Variants in PRKCA observed in about 807,000 individuals in gnomAD.
PRKCA encodes the protein protein kinase C alpha type.
In PRKCA, 27 loss-of-function variants were observed where a neutral mutation model predicts 87.0. The ratio of observed to expected loss-of-function variants is 0.31; its 90% confidence interval spans 0.23 to 0.43. The LOEUF (loss-of-function observed/expected upper bound fraction) is 0.43, where lower values mean the gene tolerates loss of function less well. Among genes scored for constraint, PRKCA ranks in the 20% least tolerant of loss-of-function variants. The probability of loss-of-function intolerance (pLI) is 1.00; values close to 1 mark genes in which losing one functional copy is unlikely to be tolerated. For synonymous variants in PRKCA, 329 were observed against 311.1 expected, an observed-to-expected ratio of 1.06 and a Z score of -0.61; for missense variants, 518 against 852.3, an observed-to-expected ratio of 0.61 and a Z score of 4.88.
Position 66,446,795 on chromosome 17 carries a change from C to T in PRKCA, c.206-49406C>T, listed in dbSNP as rs189729983. Among the ~76,000 whole-genome samples, 273 of 152,208 alleles carry T rather than the reference C, an allele frequency of 1.8e-3. 1 individual carries two copies. The highest frequency in any genetic ancestry group is 2.0e-3 in the Non-Finnish European group (137 of 68,022). On this transcript the variant is annotated intron_variant, in intron 2 of 16. Transcript: ENST00000413366. The stretch of plus-strand genomic sequence containing the variant: ...GCTGCAGTGGAAGAGGATCTTGGGG[C>T]CCTAGTGATCCCCTAGATCTAAAAA...
chr17:66,668,991 T>C (rs1446546004), intron 5 of PRKCA, among the ~76,000 whole-genome samples: 1 of 152,022 alleles, frequency 6.6e-6, no homozygotes, highest in Non-Finnish European at 1.5e-5. Flanking sequence ...TAGTCCCAGC[T>C]ACTCAGGAGA....
At chr17:66,713,340 G>A (rs373586984) in intron 8 of PRKCA, among the ~76,000 whole-genome samples, 2 of 151,978 alleles carry the variant, frequency 1.3e-5, no homozygotes, top group African/African-American at 2.4e-5. Context: ...GTGAGCCACC[G>A]CATCCGACCT....
At chr17:66,572,803 G>T (rs1486656116) in intron 3 of PRKCA, among the ~76,000 whole-genome samples, 1 of 152,068 alleles carries the variant, frequency 6.6e-6, no homozygotes. Context: ...AGGCTTTTCT[G>T]ACTAAAATAT....
intron 5 of PRKCA, among the ~76,000 whole-genome samples, chr17:66,681,571 G>A (rs147710438): frequency 3.6e-4 from 55 of 152,266 alleles, no homozygotes; most frequent in African/African-American, 1.3e-3. Flanking sequence ...AATGCTTTGC[G>A]TATATCAATT....
intron 2 of PRKCA, among the ~76,000 whole-genome samples, chr17:66,437,792 A>C (rs1463465415): frequency 1.4e-5 from 2 of 145,732 alleles, no homozygotes; most frequent in Non-Finnish European, 3.0e-5. Flanking sequence ...AATGAGTTGG[A>C]TATTTCCTTA....
chr17:66,351,254 C>A lies in PRKCA; in HGVS notation c.205+45127C>A, dbSNP rs559092905. ...AGCACTGTTCTGATTTTACTTCCTC[C>A]TTCAGGCTATGGGCGCGTGCCAACT... is the stretch of plus-strand genomic sequence containing the variant. On this transcript the variant is annotated intron_variant, in intron 2 of 16. Coordinates refer to ENST00000413366, the MANE Select transcript of PRKCA (RefSeq NM_002737.3). Among the ~76,000 whole-genome samples the A allele has an allele frequency of 3.9e-5, 6 of 152,362 alleles. No individual in the cohort carries two copies. The South Asian group carries it at 1.2e-3, about 32-fold the overall frequency.
chr17:66,390,026 C>T (rs2143632183), intron 2 of PRKCA, among the ~76,000 whole-genome samples: 1 of 152,344 alleles, frequency 6.6e-6, no homozygotes, highest in East Asian at 1.9e-4. Flanking sequence ...GAGTTCCAGA[C>T]CAGCCTGGCC....
At chr17:66,438,542 A>G (rs1913539228) in intron 2 of PRKCA, among the ~76,000 whole-genome samples, 1 of 152,188 alleles carries the variant, frequency 6.6e-6, no homozygotes, top group South Asian at 2.1e-4. Flanking sequence ...CATTATTTTT[A>G]AGAACCGGTT....
intron 2 of PRKCA, chr17:66,416,731 G>A (rs967023153): frequency 2.7e-4 from 41 of 152,188 alleles, no homozygotes; most frequent in Admixed American, 2.3e-3. Context: ...GCCTGACTCT[G>A]AAGCCTGTGT....
chr17:66,370,549 C>CTTTTTTTTTTT (rs555797425), intron 2 of PRKCA, among the ~76,000 whole-genome samples: 109 of 113,664 alleles, frequency 9.6e-4, no homozygotes, highest in African/African-American at 1.2e-3. Flanking sequence ...CTTTTCTTTT[C>CTTTTTTTTTTT]TTTTTTTTTT....
At chr17:66,387,526 A>C (rs4281768) in intron 2 of PRKCA, among the ~76,000 whole-genome samples, 5 of 152,098 alleles carry the variant, frequency 3.3e-5, no homozygotes, top group African/African-American at 1.2e-4. Flanking sequence ...CAGTAAAAGG[A>C]GCCTTTCATC....
At chr17:66,511,841 C>T (rs941190777) in intron 3 of PRKCA, among the ~76,000 whole-genome samples, 4 of 152,134 alleles carry the variant, frequency 2.6e-5, no homozygotes, top group East Asian at 1.9e-4. Flanking sequence ...CCACCACACT[C>T]GGCTTATTTT....
chr17:66,406,585 G>GATTTTTTTTTTTTTT (rs529714675), intron 2 of PRKCA, among the ~76,000 whole-genome samples: 2 of 70,178 alleles, frequency 2.8e-5, no homozygotes, highest in African/African-American at 9.2e-5. Context: ...GCTTTTCCAG[G>GATTTTTTTTTTTTTT]TTTTTTTTTT....
In PRKCA at chr17:66,808,832, T is replaced by C. The variant is rs893031514; in HGVS notation, c.*4795T>C. Reference sequence around the variant, plus strand: ...TTCAAGCGATTCTCCTGCCTCAGCCTCCCAAGTACCTGGGACTACAGGTGC... The same window carrying C: ...TTCAAGCGATTCTCCTGCCTCAGCCCCCCAAGTACCTGGGACTACAGGTGC... On this transcript the variant is annotated 3_prime_UTR_variant, in exon 17 of 17. Transcript: ENST00000413366. The C allele has an allele frequency of 1.2e-4, 19 of 152,536 alleles. No individual in the cohort carries two copies. Among genetic ancestry groups the C allele is most frequent in the African/African-American group, 4.1e-4 (17 of 41,556 alleles). The allele number at this position is 152,536 out of a possible 1,614,324, so 9.4% of individuals were successfully genotyped here. A position where few individuals can be genotyped will look rare whatever the true frequency, so the allele number is the denominator to read the frequency against.
At chr17:66,561,406 C>T (rs545901482) in intron 3 of PRKCA, among the ~76,000 whole-genome samples, 3 of 152,302 alleles carry the variant, frequency 2.0e-5, no homozygotes, top group African/African-American at 7.2e-5. Flanking sequence ...CCCTTGAAGC[C>T]GGGTTAGCCC....
At chr17:66,452,939 C>G (rs150461390) in intron 2 of PRKCA, among the ~76,000 whole-genome samples, 1 of 152,208 alleles carries the variant, frequency 6.6e-6, no homozygotes, top group Non-Finnish European at 1.5e-5. Flanking sequence ...GTGTCTTAAC[C>G]GCAAGTGCCT....
rs142120070 is a variant in PRKCA, at chr17:66,413,358, C to T, written c.206-82843C>T. On this transcript the variant is annotated intron_variant, in intron 2 of 16. Coordinates refer to ENST00000413366, the MANE Select transcript of PRKCA (RefSeq NM_002737.3). ...AGGCAGGGGGGTGGAGTATCCATGC[C>T]CTTTCCAGATGTGCCAGCCTCCTGG... Among the ~76,000 whole-genome samples, 337 of 152,180 alleles carry T rather than the reference C, an allele frequency of 2.2e-3. 1 individual carries two copies. Among genetic ancestry groups the T allele is most frequent in the African/African-American group, 7.7e-3 (320 of 41,512 alleles).
At chr17:66,562,630 T>C (rs1968751120) in intron 3 of PRKCA, among the ~76,000 whole-genome samples, 1 of 152,030 alleles carries the variant, frequency 6.6e-6, no homozygotes, top group African/African-American at 2.4e-5. Context: ...AGAGTCTCAC[T>C]GAGTCACCCA....
chr17:66,513,990 A>G (rs1363157465), intron 3 of PRKCA, among the ~76,000 whole-genome samples: 1 of 152,212 alleles, frequency 6.6e-6, no homozygotes, highest in Non-Finnish European at 1.5e-5. Context: ...GTCCCCACTT[A>G]TGTGTGGTTT....
Sources: gnomAD v4.1 joint callset for allele counts (sites outside exome capture counted in the v4.1 genomes callset) on GRCh38, gnomAD v4.1.1 for gene constraint, MANE v1.5 for transcripts, NCBI Gene and HGNC (gene_info 2026-07-23, HGNC 2026-07-21) for gene names.